SLC35F4: variants seen among roughly 807,000 people sequenced by gnomAD.
SLC35F4 encodes the protein chromosome 14 open reading frame 36.
Under a neutral mutation model 44.2 loss-of-function variants are expected in SLC35F4, and 24 were observed. That is an observed-to-expected ratio of 0.54 (90% CI 0.39 to 0.76). The LOEUF is 0.76. SLC35F4 is among the 30% of genes least tolerant of loss of function. SLC35F4 has a pLI of 0.00. For missense variants in SLC35F4, 562 were observed against 586.1 expected, an observed-to-expected ratio of 0.96 and a Z score of 0.42; for synonymous variants, 238 against 223.6, an observed-to-expected ratio of 1.06 and a Z score of -0.57.
chr14:57,740,911 G>T (rs1322035954), intron 1 of SLC35F4, among the ~76,000 whole-genome samples: 1 of 152,166 alleles, frequency 6.6e-6, no homozygotes, highest in African/African-American at 2.4e-5. Context: ...ACGGCCGGGT[G>T]CCCCTCTGAG....
chr14:57,899,664 G>A (rs1888956945), intron 1 of SLC35F4, among the ~76,000 whole-genome samples: 1 of 152,196 alleles, frequency 6.6e-6, no homozygotes, highest in African/African-American at 2.4e-5. Flanking sequence ...GAACTCAAGG[G>A]CTCAGATAAA....
chr14:57,575,950 A>T (rs925208644), intron 4 of SLC35F4, among the ~76,000 whole-genome samples: 2 of 152,108 alleles, frequency 1.3e-5, no homozygotes, highest in African/African-American at 4.8e-5. Context: ...AAGCCTAAAG[A>T]AATATCTGGC....
chr14:57,743,965 C>A (rs58926547), intron 1 of SLC35F4, among the ~76,000 whole-genome samples: 166 of 152,160 alleles, frequency 1.1e-3, no homozygotes, highest in African/African-American at 3.3e-3. Context: ...ACAGAACCAA[C>A]GACAAAAACC....
chr14:57,583,256 G>A (rs1947997358), intron 3 of SLC35F4, among the ~76,000 whole-genome samples: 1 of 152,156 alleles, frequency 6.6e-6, no homozygotes, highest in South Asian at 2.1e-4. Flanking sequence ...AGAGCATCCT[G>A]GGCACAAAGT....
chr14:57,952,372 C>T (rs1171597469), intron 1 of SLC35F4, among the ~76,000 whole-genome samples: 1 of 152,024 alleles, frequency 6.6e-6, no homozygotes, highest in African/African-American at 2.4e-5. Context: ...AACCAGAATG[C>T]CTCTTCTCCT....
At chr14:57,918,751 G>A (rs943925450) in intron 1 of SLC35F4, among the ~76,000 whole-genome samples, 1 of 152,250 alleles carries the variant, frequency 6.6e-6, no homozygotes, top group South Asian at 2.1e-4. Context: ...TTCCAGAGGC[G>A]TGACTTAGGT....
chr14:57,686,160 T>C (rs117274943), intron 1 of SLC35F4, among the ~76,000 whole-genome samples: 1 of 152,194 alleles, frequency 6.6e-6, no homozygotes, highest in African/African-American at 2.4e-5. Context: ...TAAAGCATTA[T>C]GGAGGAGGCG....
At position 57,925,056 on chromosome 14, in the gene SLC35F4, C is replaced by T. The variant is rs1594628505; in HGVS notation, n.282+56857G>A. Among the ~76,000 whole-genome samples the T allele has an allele frequency of 2.6e-5, 4 of 152,078 alleles. No homozygotes were observed. The South Asian group carries it at 8.3e-4, about 32-fold the overall frequency. On this transcript the variant is annotated intron_variant and non_coding_transcript_variant, in intron 1 of 1. Coordinates refer to the SLC35F4 transcript ENST00000556568. Reference sequence around the variant, plus strand: ...CAGGCACAGCCATCATGCCTGGCCACGAGGCTCTTTTTAACAAGCTCTCGC... The same window carrying T: ...CAGGCACAGCCATCATGCCTGGCCATGAGGCTCTTTTTAACAAGCTCTCGC...
At chr14:57,623,837 G>T (rs1355771745) in intron 1 of SLC35F4, among the ~76,000 whole-genome samples, 2 of 152,036 alleles carry the variant, frequency 1.3e-5, no homozygotes, top group African/African-American at 4.8e-5. Context: ...AAATGCCCAC[G>T]AGAGAAAGCA....
At chr14:57,907,894 C>T (rs1321498692) in intron 1 of SLC35F4, among the ~76,000 whole-genome samples, 1 of 151,888 alleles carries the variant, frequency 6.6e-6, no homozygotes. Flanking sequence ...ATATGTGTGC[C>T]ATGGTGGTTT....
intron 1 of SLC35F4, among the ~76,000 whole-genome samples, chr14:57,639,106 C>A (rs1474919380): frequency 2.0e-5 from 3 of 152,048 alleles, no homozygotes; most frequent in African/African-American, 7.2e-5. Context: ...GCAAAAGAGG[C>A]TGATGAACTT....
At chr14:57,691,863 A>G (rs2075242871) in intron 1 of SLC35F4, among the ~76,000 whole-genome samples, 1 of 152,170 alleles carries the variant, frequency 6.6e-6, no homozygotes, top group African/African-American at 2.4e-5. Context: ...GGAGGGCCTT[A>G]CAAAGGAGGT....
chr14:57,596,917 G>A, intron 1 of SLC35F4: 1 of 1,357,218 alleles, frequency 7.4e-7, no homozygotes. Flanking sequence ...TTTAATCACT[G>A]TCTTAAACAA....
At chr14:57,743,207 A>C (rs891476562) in intron 1 of SLC35F4, among the ~76,000 whole-genome samples, 1 of 152,236 alleles carries the variant, frequency 6.6e-6, no homozygotes, top group African/African-American at 2.4e-5. Context: ...GCAGAAGGCA[A>C]GAAATAACTA....
intron 1 of SLC35F4, among the ~76,000 whole-genome samples, chr14:57,957,318 TAGGAGAA>T (rs1890256153): frequency 6.6e-6 from 1 of 151,834 alleles, no homozygotes; most frequent in South Asian, 2.1e-4. Context: ...GGGATAGCAT[TAGGAGAA>T]ATACCTAACG....
intron 1 of SLC35F4, among the ~76,000 whole-genome samples, chr14:57,676,238 T>C (rs554734684): frequency 1.3e-5 from 2 of 152,216 alleles, no homozygotes; most frequent in East Asian, 1.9e-4. Context: ...TACCATGGAA[T>C]ACTATGCAGC....
At chr14:57,607,396 C>T (rs1241714126) in intron 1 of SLC35F4, among the ~76,000 whole-genome samples, 1 of 152,172 alleles carries the variant, frequency 6.6e-6, no homozygotes, top group Admixed American at 6.5e-5. Context: ...AAACTATTCG[C>T]AAGTTTCTGC....
chr14:57,922,391 G>A (rs1014876212), intron 1 of SLC35F4, among the ~76,000 whole-genome samples: 52 of 152,122 alleles, frequency 3.4e-4, no homozygotes, highest in African/African-American at 1.3e-3. Flanking sequence ...GTTCAACCTA[G>A]TAATGACTAC....
intron 1 of SLC35F4, among the ~76,000 whole-genome samples, chr14:57,727,456 G>C (rs1196826497): frequency 6.8e-6 from 1 of 146,806 alleles, no homozygotes; most frequent in East Asian, 2.0e-4. Context: ...GTTTACTCTT[G>C]TTTTTCTAGT....
Sources: allele counts gnomAD v4.1 joint callset (sites outside exome capture counted in the v4.1 genomes callset), GRCh38; gene constraint gnomAD v4.1.1; transcripts MANE v1.5; gene names NCBI Gene and HGNC (gene_info 2026-07-23, HGNC 2026-07-21).